Variants in ARHGAP42 observed in about 807,000 individuals in gnomAD.
ARHGAP42 encodes Rho GTPase activating protein 42.
In ARHGAP42, 63 loss-of-function variants were observed where a neutral mutation model predicts 125.0. That is an observed-to-expected ratio of 0.50 (90% CI 0.41 to 0.62). ARHGAP42 has a LOEUF of 0.62. Ranked by LOEUF, ARHGAP42 falls within the 20% of genes least tolerant of loss-of-function variation. ARHGAP42 has a pLI of 0.00. For missense variants in ARHGAP42, 766 were observed against 1,024.2 expected, an observed-to-expected ratio of 0.75 and a Z score of 3.44; for synonymous variants, 339 against 351.0, an observed-to-expected ratio of 0.97 and a Z score of 0.38.
intron 1 of ARHGAP42, among the ~76,000 whole-genome samples, chr11:100,688,892 C>A (rs919187750): frequency 2.6e-5 from 4 of 152,038 alleles, no homozygotes; most frequent in East Asian, 1.9e-4. Context: ...GGTAGAGAGA[C>A]CTTTGGGTGA....
chr11:100,926,467 T>C (rs1002534175), intron 6 of ARHGAP42, among the ~76,000 whole-genome samples: 1 of 152,132 alleles, frequency 6.6e-6, no homozygotes, highest in Non-Finnish European at 1.5e-5. Flanking sequence ...GATTAGAAAA[T>C]TATATAGTGT....
At chr11:100,707,909 AT>A (rs1156787366) in intron 1 of ARHGAP42, among the ~76,000 whole-genome samples, 1 of 152,118 alleles carries the variant, frequency 6.6e-6, no homozygotes, top group African/African-American at 2.4e-5. Flanking sequence ...CCATAGACTG[AT>A]TTGTACATAC....
intron 3 of ARHGAP42, among the ~76,000 whole-genome samples, chr11:100,844,210 A>G (rs1865009915): frequency 6.6e-6 from 1 of 152,142 alleles, no homozygotes; most frequent in Non-Finnish European, 1.5e-5. Flanking sequence ...AGGACACCCC[A>G]TTGAACAAAT....
At chr11:100,928,904 T>C (rs969377557) in intron 6 of ARHGAP42, among the ~76,000 whole-genome samples, 1 of 152,230 alleles carries the variant, frequency 6.6e-6, no homozygotes, top group African/African-American at 2.4e-5. Flanking sequence ...TTTACTCAGA[T>C]GCGGTTTTCG....
intron 1 of ARHGAP42, among the ~76,000 whole-genome samples, chr11:100,766,514 C>T (rs1591163664): frequency 1.3e-5 from 2 of 152,132 alleles, no homozygotes; most frequent in Non-Finnish European, 2.9e-5. Context: ...AACAGCTCTT[C>T]TGTTTTTTGT....
At chr11:100,891,439 C>CTTTT (rs142290529) in intron 4 of ARHGAP42, among the ~76,000 whole-genome samples, 1 of 104,972 alleles carries the variant, frequency 9.5e-6, no homozygotes, top group Non-Finnish European at 1.9e-5. Context: ...AAAGCATCGA[C>CTTTT]TTTTTTTTTT....
At position 100,992,343 on chromosome 11, in the gene ARHGAP42, A is replaced by G. The variant is rs376829416; in HGVS notation, c.*3542A>G. 10 of 1,611,536 alleles carry G rather than the reference A, an allele frequency of 6.2e-6. No individual in the cohort carries two copies. The highest frequency in any genetic ancestry group is 8.5e-6 in the Non-Finnish European group (10 of 1,178,968). On this transcript the variant is annotated 3_prime_UTR_variant, in exon 24 of 24. Transcript: ENST00000298815. ...CATCACTGCGTAGGACCCGGAAATC[A>G]CATCTCCTGGTCAGGTCACGAAAAA...
At chr11:100,768,637 T>G (rs1431764442) in intron 1 of ARHGAP42, among the ~76,000 whole-genome samples, 1 of 152,180 alleles carries the variant, frequency 6.6e-6, no homozygotes, top group Non-Finnish European at 1.5e-5. Context: ...GAAAATTCTA[T>G]TTTCTTATTG....
chr11:100,922,029 T>C (rs1266485393), intron 6 of ARHGAP42, among the ~76,000 whole-genome samples: 3 of 152,206 alleles, frequency 2.0e-5, no homozygotes, highest in Non-Finnish European at 2.9e-5. Flanking sequence ...ATAAGGGAAC[T>C]TCATTCTTTC....
intron 1 of ARHGAP42, among the ~76,000 whole-genome samples, chr11:100,704,555 T>C (rs978527704): frequency 2.0e-5 from 3 of 152,168 alleles, no homozygotes; most frequent in Admixed American, 1.3e-4. Context: ...ATTAGAAATC[T>C]GTGAGTATTC....
intron 16 of ARHGAP42, among the ~76,000 whole-genome samples, chr11:100,963,634 A>G (rs933621579): frequency 6.6e-6 from 1 of 152,212 alleles, no homozygotes; most frequent in Admixed American, 6.5e-5. Context: ...ATAAATCTAC[A>G]CTATTTAGTT....
intron 1 of ARHGAP42, among the ~76,000 whole-genome samples, chr11:100,705,013 CAAAAAAA>C (rs1211966921): frequency 4.4e-4 from 24 of 54,778 alleles, no homozygotes; most frequent in Non-Finnish European, 7.9e-4. Context: ...ACAACAACAA[CAAAAAAA>C]AAAAAAAAAA....
intron 9 of ARHGAP42, 136 bp from the exon 10 acceptor site, chr11:100,943,623 A>G: frequency 1.9e-6 from 1 of 520,116 alleles, no homozygotes; most frequent in Non-Finnish European, 3.3e-6. Context: ...GAATAAAAAA[A>G]GACAGGGTAT....
chr11:100,717,636 C>CAA lies in ARHGAP42; in HGVS notation c.154+29824_154+29825dup, dbSNP rs60024751. On this transcript the variant is annotated intron_variant, in intron 1 of 23. Transcript: ENST00000298815. ...TGGGCGACAGAGCGAGACTCCGTCT[C>CAA]AAAAAAAAAAAAAAAAAAAAAGATT... Among the ~76,000 whole-genome samples the CAA allele has an allele frequency of 3.2e-3, 220 of 68,922 alleles. 4 individuals carry two copies. Among genetic ancestry groups the CAA allele is most frequent in the Admixed American group, 4.7e-3 (30 of 6,346 alleles). The allele number at this position is 68,922 out of a possible 152,430, so 45.2% of individuals were successfully genotyped here.
chr11:100,895,494 T>C (rs61670858), intron 4 of ARHGAP42, among the ~76,000 whole-genome samples: 40,014 of 106,436 alleles, frequency 0.38, 6,606 homozygotes, highest in East Asian at 0.79. Flanking sequence ...AAAGAGCAAC[T>C]TTTTTTTTTT....
chr11:100,899,034 A>G (rs1325099256), intron 4 of ARHGAP42, among the ~76,000 whole-genome samples: 1 of 152,240 alleles, frequency 6.6e-6, no homozygotes, highest in Non-Finnish European at 1.5e-5. Context: ...GGATTCTGGT[A>G]CATTGTGTCT....
intron 3 of ARHGAP42, among the ~76,000 whole-genome samples, chr11:100,810,473 A>C (rs1421392087): frequency 1.3e-5 from 2 of 152,178 alleles, no homozygotes; most frequent in African/African-American, 2.4e-5. Context: ...TTACATTCCA[A>C]ACTTCTGCCA....
intron 3 of ARHGAP42, chr11:100,859,294 T>G (rs953373658): frequency 6.1e-5 from 21 of 344,910 alleles, no homozygotes; most frequent in Non-Finnish European, 9.8e-5. Context: ...AAGAAGAAAT[T>G]TAAGTATTCA....
chr11:100,801,782 G>A (rs1365904668), intron 3 of ARHGAP42, among the ~76,000 whole-genome samples: 1 of 152,196 alleles, frequency 6.6e-6, no homozygotes, highest in African/African-American at 2.4e-5. Flanking sequence ...CCATAATGCA[G>A]GATTTTCCAC....
Sources: allele counts gnomAD v4.1 joint callset (sites outside exome capture counted in the v4.1 genomes callset), GRCh38; gene constraint gnomAD v4.1.1; transcripts MANE v1.5; gene names NCBI Gene and HGNC (gene_info 2026-07-23, HGNC 2026-07-21).